ARHGEF7: variants seen among roughly 807,000 people sequenced by gnomAD.
The protein encoded by ARHGEF7 is PAK-interacting exchange factor beta.
In ARHGEF7, 33 loss-of-function variants were observed where a neutral mutation model predicts 109.8. The ratio of observed to expected loss-of-function variants is 0.30; its 90% CI spans 0.23 to 0.40. The LOEUF (loss-of-function observed/expected upper bound fraction) is 0.40, where lower values mean the gene tolerates loss of function less well. ARHGEF7 is among the 10% of genes least tolerant of loss of function. ARHGEF7 has a pLI of 1.00. For synonymous variants in ARHGEF7, 458 were observed against 424.6 expected, an observed-to-expected ratio of 1.08 and a Z score of -0.97; for missense variants, 938 against 1,098.5, an observed-to-expected ratio of 0.85 and a Z score of 2.07.
chr13:111,152,025 A>G (rs1410975922), intron 1 of ARHGEF7, among the ~76,000 whole-genome samples: 1 of 152,196 alleles, frequency 6.6e-6, no homozygotes, highest in African/African-American at 2.4e-5. Context: ...CATAATTTTT[A>G]GCCAAGTAGC....
At chr13:111,193,714 A>G (rs374126305) in intron 2 of ARHGEF7, among the ~76,000 whole-genome samples, 1 of 152,190 alleles carries the variant, frequency 6.6e-6, no homozygotes, top group South Asian at 2.1e-4. Flanking sequence ...ATCACTAACT[A>G]TGGCATAACC....
intron 1 of ARHGEF7, among the ~76,000 whole-genome samples, chr13:111,132,093 T>A (rs1246979843): frequency 6.6e-6 from 1 of 152,142 alleles, no homozygotes; most frequent in Non-Finnish European, 1.5e-5. Flanking sequence ...GAGGAAGTGA[T>A]CTTCAGTGAG....
intron 4 of ARHGEF7, among the ~76,000 whole-genome samples, chr13:111,210,452 T>C (rs1380519591): frequency 6.6e-6 from 1 of 152,208 alleles, no homozygotes; most frequent in Non-Finnish European, 1.5e-5. Flanking sequence ...CTTTACTAAG[T>C]CAGGATTTAG....
rs2091090475 is a variant in ARHGEF7 at position 111,261,528 on chromosome 13, C to T, written c.951-6020C>T. Among the ~76,000 whole-genome samples the T allele has an allele frequency of 2.0e-5, 3 of 152,316 alleles. No individual in the cohort carries two copies. In the South Asian group the frequency reaches 6.2e-4, roughly 32 times the overall value. ...AATAGCTAGAGATGTCAACACACCACTTTCAGCACTGGACAGATCTTTGAT... is the reference window on the plus strand; with the variant it reads ...AATAGCTAGAGATGTCAACACACCATTTTCAGCACTGGACAGATCTTTGAT... On this transcript the variant is annotated intron_variant, in intron 8 of 21. Transcript: ENST00000646102.
At chr13:111,141,881 AT>A (rs2075366610) in intron 1 of ARHGEF7, among the ~76,000 whole-genome samples, 1 of 152,196 alleles carries the variant, frequency 6.6e-6, no homozygotes, top group South Asian at 2.1e-4. Flanking sequence ...GTAAGCCTAC[AT>A]TTAGCTTTGT....
At chr13:111,139,584 G>A (rs1202662419) in intron 1 of ARHGEF7, among the ~76,000 whole-genome samples, 1 of 150,300 alleles carries the variant, frequency 6.7e-6, no homozygotes, top group African/African-American at 2.4e-5. Context: ...TGGAGCACTG[G>A]CGGGTGCCTG....
chr13:111,183,927 G>C (rs900556505), intron 2 of ARHGEF7, among the ~76,000 whole-genome samples: 1 of 152,160 alleles, frequency 6.6e-6, no homozygotes, highest in Non-Finnish European at 1.5e-5. Context: ...GGGGTCACTT[G>C]CTTATGGCCG....
At chr13:111,296,853 AACCCCTCTC>A in intron 19 of ARHGEF7, among the ~76,000 whole-genome samples, 1 of 152,332 alleles carries the variant, frequency 6.6e-6, no homozygotes, top group African/African-American at 2.4e-5. Flanking sequence ...TGTGTTGTGG[AACCCCTCTC>A]ATCTCCCAGA....
At chr13:111,270,267 T>C (rs1302734481) in intron 9 of ARHGEF7, among the ~76,000 whole-genome samples, 1 of 152,226 alleles carries the variant, frequency 6.6e-6, no homozygotes, top group Non-Finnish European at 1.5e-5. Context: ...TGCATGTGTT[T>C]TGTGGCTGCC....
At chr13:111,240,339 A>G (rs972435173) in intron 6 of ARHGEF7, among the ~76,000 whole-genome samples, 1 of 152,276 alleles carries the variant, frequency 6.6e-6, no homozygotes, top group Non-Finnish European at 1.5e-5. Flanking sequence ...CAAAAGATAC[A>G]GCATCATAAA....
chr13:111,198,060 C>T (rs1462406257), intron 2 of ARHGEF7, among the ~76,000 whole-genome samples: 1 of 152,018 alleles, frequency 6.6e-6, no homozygotes, highest in African/African-American at 2.4e-5. Context: ...CTCTGTTGAC[C>T]GTTGGCTCAG....
chr13:111,277,947 C>T (rs2092580757), intron 13 of ARHGEF7, among the ~76,000 whole-genome samples: 1 of 152,214 alleles, frequency 6.6e-6, no homozygotes, highest in Non-Finnish European at 1.5e-5. Flanking sequence ...CTGTCATTGC[C>T]TTCTGTCGTT....
intron 2 of ARHGEF7, among the ~76,000 whole-genome samples, chr13:111,202,599 G>A (rs753611651): frequency 2.0e-5 from 3 of 152,190 alleles, no homozygotes; most frequent in East Asian, 1.9e-4. Flanking sequence ...AATGAATCCC[G>A]TCTAAGACAC....
At chr13:111,121,245 G>T (rs962189861) in intron 1 of ARHGEF7, among the ~76,000 whole-genome samples, 22 of 152,318 alleles carry the variant, frequency 1.4e-4, no homozygotes, top group Admixed American at 1.0e-3. Flanking sequence ...AGAAGCTCCT[G>T]CAGAAGTCTG....
rs1336871951 is a variant in ARHGEF7 at position 111,258,846 on chromosome 13, A to G, written c.951-8702A>G. Reference sequence around the variant, plus strand: ...CCTGCTGTGGGCTAGAAGGCAGCCCACTGCTCTGAAAGGAGAGTCTCAGGC... The same window carrying G: ...CCTGCTGTGGGCTAGAAGGCAGCCCGCTGCTCTGAAAGGAGAGTCTCAGGC... On this transcript the variant is annotated intron_variant, in intron 8 of 21. Coordinates refer to ENST00000646102, the MANE Select transcript of ARHGEF7 (RefSeq NM_001354046.2). The surrounding 1 kb of genome is among the most constrained non-coding windows in gnomAD (Gnocchi z 4.4). Among the ~76,000 whole-genome samples, 1 of 152,048 alleles carries G rather than the reference A, an allele frequency of 6.6e-6. No homozygotes were observed. Among genetic ancestry groups the G allele is most frequent in the Non-Finnish European group, 1.5e-5 (1 of 68,004 alleles).
At chr13:111,257,751 A>G (rs1595254515) in intron 8 of ARHGEF7, among the ~76,000 whole-genome samples, 2 of 152,382 alleles carry the variant, frequency 1.3e-5, no homozygotes, top group South Asian at 4.1e-4. Context: ...CACGTAGCAC[A>G]GAGAGAAAAC....
At chr13:111,264,195 T>C (rs1385515940) in intron 8 of ARHGEF7, among the ~76,000 whole-genome samples, 1 of 152,212 alleles carries the variant, frequency 6.6e-6, no homozygotes, top group East Asian at 1.9e-4. Flanking sequence ...TTTGGAAACA[T>C]GGCTTGGATG....
chr13:111,284,770 G>T (rs1472960861), intron 16 of ARHGEF7, among the ~76,000 whole-genome samples: 1 of 152,218 alleles, frequency 6.6e-6, no homozygotes, highest in African/African-American at 2.4e-5. Flanking sequence ...TGTGAGAAGA[G>T]GACATGGAGG....
At position 111,274,712 on chromosome 13, in the gene ARHGEF7, A is replaced by G. The variant is rs769363988; in HGVS notation, c.1213-19A>G. 24 of 1,425,428 alleles carry G rather than the reference A, an allele frequency of 1.7e-5. No homozygotes were observed. The highest frequency in any genetic ancestry group is 2.0e-5 in the Non-Finnish European group (21 of 1,066,468). The allele number at this position is 1,425,428 out of a possible 1,614,324, so 88.3% of individuals were successfully genotyped here. On this transcript the variant is annotated intron_variant, in intron 10 of 21. Coordinates refer to ENST00000646102, the MANE Select transcript of ARHGEF7 (RefSeq NM_001354046.2). Reference sequence around the variant, plus strand: ...GCTTTTCCTTATGAAAGCTAATTGTATGTTTCTTTTACTCAAAGGATTATC... The same window carrying G: ...GCTTTTCCTTATGAAAGCTAATTGTGTGTTTCTTTTACTCAAAGGATTATC...
Sources: gnomAD v4.1 joint callset for allele counts (sites outside exome capture counted in the v4.1 genomes callset) on GRCh38, gnomAD v4.1.1 for gene constraint, Gnocchi (gnomAD v3.1) non-coding constraint, MANE v1.5 for transcripts, NCBI Gene and HGNC (gene_info 2026-07-23, HGNC 2026-07-21) for gene names.